RAB38: variants seen among roughly 807,000 people sequenced by gnomAD.
RAB38 encodes the protein ras-related protein Rab-38.
Under a neutral mutation model 18.4 loss-of-function variants are expected in RAB38, and 15 were observed. That is an observed-to-expected ratio of 0.82 (90% CI 0.55 to 1.26). RAB38 has a LOEUF of 1.26. Ranked by LOEUF, RAB38 falls within the 50% of genes most tolerant of loss-of-function variation. RAB38 has a pLI of 0.00. For synonymous variants in RAB38, 101 were observed against 104.4 expected, an observed-to-expected ratio of 0.97 and a Z score of 0.20; for missense variants, 294 against 267.4, an observed-to-expected ratio of 1.10 and a Z score of -0.69.
chr11:87,851,816 C>A, the RAB38 span, among the ~76,000 whole-genome samples: 3 of 152,016 alleles, frequency 2.0e-5, no homozygotes, highest in Non-Finnish European at 2.9e-5. Flanking sequence ...ACTGAAGTAC[C>A]CTTGTAGGGG....
the RAB38 span, among the ~76,000 whole-genome samples, chr11:87,951,212 C>G: frequency 6.6e-6 from 1 of 152,242 alleles, no homozygotes; most frequent in African/African-American, 2.4e-5. Flanking sequence ...TCACATAGCT[C>G]TCGTGCCTTG....
the RAB38 span, among the ~76,000 whole-genome samples, chr11:87,845,556 A>G: frequency 6.8e-4 from 103 of 152,242 alleles, no homozygotes; most frequent in African/African-American, 2.0e-3. Flanking sequence ...GATGATATCA[A>G]AGATTGAATA....
the RAB38 span, among the ~76,000 whole-genome samples, chr11:87,975,380 T>A: frequency 2.0e-5 from 3 of 152,034 alleles, no homozygotes; most frequent in South Asian, 6.2e-4. Flanking sequence ...TTAAAGACAT[T>A]TTCAGGTAAC....
the RAB38 span, among the ~76,000 whole-genome samples, chr11:87,932,553 T>C: frequency 3.9e-5 from 6 of 152,234 alleles, no homozygotes; most frequent in East Asian, 1.9e-4. Flanking sequence ...CCTTTAGTTC[T>C]TCTAATGGAT....
At chr11:87,887,774 G>A in the RAB38 span, among the ~76,000 whole-genome samples, 3 of 151,910 alleles carry the variant, frequency 2.0e-5, no homozygotes, top group Non-Finnish European at 4.4e-5. Flanking sequence ...CCAGGATTAT[G>A]TGGGACATTT....
At chr11:87,957,671 G>A in the RAB38 span, among the ~76,000 whole-genome samples, 1 of 152,098 alleles carries the variant, frequency 6.6e-6, no homozygotes. Context: ...TGCTTTCAGG[G>A]AAGGTAGGCC....
chr11:88,021,277 C>T, the RAB38 span, among the ~76,000 whole-genome samples: 9 of 152,186 alleles, frequency 5.9e-5, no homozygotes, highest in Non-Finnish European at 1.3e-4. Flanking sequence ...ACCACAGAAA[C>T]TCAAAGGATC....
At chr11:87,871,992 A>C in the RAB38 span, among the ~76,000 whole-genome samples, 1 of 151,592 alleles carries the variant, frequency 6.6e-6, no homozygotes, top group African/African-American at 2.4e-5. Context: ...TGTTGGATAT[A>C]TATACATCAA....
the RAB38 span, chr11:87,879,508 A>T: frequency 6.6e-6 from 1 of 151,674 alleles, no homozygotes; most frequent in Admixed American, 6.6e-5. Flanking sequence ...GCTTTACTCT[A>T]AGAGCTTATG....
chr11:87,964,771 C>A, the RAB38 span, among the ~76,000 whole-genome samples: 1 of 152,066 alleles, frequency 6.6e-6, no homozygotes, highest in Non-Finnish European at 1.5e-5. Flanking sequence ...CCTCTATTTA[C>A]AATCACACAT....
chr11:88,150,188 T>C (rs1565217191), intron 1 of RAB38, among the ~76,000 whole-genome samples: 3 of 152,224 alleles, frequency 2.0e-5, no homozygotes, highest in African/African-American at 4.8e-5. Context: ...CTGTGTACCA[T>C]GTAATATTCT....
chr11:87,914,139 C>G, the RAB38 span, among the ~76,000 whole-genome samples: 4 of 151,790 alleles, frequency 2.6e-5, no homozygotes, highest in African/African-American at 9.7e-5. Flanking sequence ...GGCTCTGTTT[C>G]CATGAACAGA....
chr11:87,810,061 TA>T, the RAB38 span, among the ~76,000 whole-genome samples: 2 of 152,314 alleles, frequency 1.3e-5, no homozygotes, highest in Non-Finnish European at 2.9e-5. Context: ...TTTCCAATAA[TA>T]CTTCAAAATT....
the RAB38 span, among the ~76,000 whole-genome samples, chr11:87,947,675 G>C: frequency 6.6e-6 from 1 of 152,040 alleles, no homozygotes; most frequent in Non-Finnish European, 1.5e-5. Flanking sequence ...TTTTTGTCAC[G>C]TTTGTCAAAG....
the RAB38 span, among the ~76,000 whole-genome samples, chr11:88,034,048 C>T: frequency 3.9e-5 from 6 of 152,108 alleles, no homozygotes; most frequent in African/African-American, 1.4e-4. Context: ...CTTTTATAAC[C>T]ACATCTACCT....
the RAB38 span, among the ~76,000 whole-genome samples, chr11:87,930,334 C>A: frequency 6.6e-6 from 1 of 152,178 alleles, no homozygotes; most frequent in East Asian, 1.9e-4. Flanking sequence ...AGTATTTTTT[C>A]ATGTGTCTTT....
chr11:88,052,923 T>TAAA, the RAB38 span, among the ~76,000 whole-genome samples: 2 of 23,680 alleles, frequency 8.4e-5, no homozygotes, highest in Admixed American at 6.2e-4. Flanking sequence ...TATATATATA[T>TAAA]ATATATATAT....
chr11:88,006,390 A>G, the RAB38 span, among the ~76,000 whole-genome samples: 1 of 151,396 alleles, frequency 6.6e-6, no homozygotes, highest in Non-Finnish European at 1.5e-5. Flanking sequence ...TTAAAAATGG[A>G]ACCACCATAT....
chr11:87,913,606 T>C, the RAB38 span, among the ~76,000 whole-genome samples: 1 of 152,102 alleles, frequency 6.6e-6, no homozygotes, highest in African/African-American at 2.4e-5. Flanking sequence ...AATGTGGTGG[T>C]ATTGGGAGGT....
Sources: gnomAD v4.1 joint callset for allele counts (sites outside exome capture counted in the v4.1 genomes callset) on GRCh38, gnomAD v4.1.1 for gene constraint, MANE v1.5 for transcripts, NCBI Gene and HGNC (gene_info 2026-07-23, HGNC 2026-07-21) for gene names.